RBFOX1: variants seen among roughly 807,000 people sequenced by gnomAD.
RBFOX1 encodes the protein RNA binding protein fox-1 homolog 1.
RBFOX1 carries 8 observed loss-of-function variants against 57.7 expected under a neutral mutation model. The observed-to-expected ratio is 0.14, with a 90% CI of 0.08 to 0.25. The LOEUF (loss-of-function observed/expected upper bound fraction) is 0.25. RBFOX1 is among the 10% of genes least tolerant of loss of function. RBFOX1 has a pLI of 1.00. For missense variants in RBFOX1, 611 were observed against 548.5 expected (o/e 1.11, Z -1.14); for synonymous variants, 326 against 222.4 (o/e 1.47, Z -4.15).
intron 1 of RBFOX1, among the ~76,000 whole-genome samples, chr16:5,351,278 G>C (rs767833545): frequency 6.6e-6 from 1 of 152,190 alleles, no homozygotes; most frequent in Non-Finnish European, 1.5e-5. Context: ...TCTGTTAAGC[G>C]CTATGCCAGG....
intron 2 of RBFOX1, among the ~76,000 whole-genome samples, chr16:6,506,161 C>G (rs1031333225): frequency 1.1e-4 from 16 of 152,072 alleles, no homozygotes; most frequent in Non-Finnish European, 1.6e-4. Flanking sequence ...AATTTAGAAG[C>G]GAAGAGTCTT....
chr16:6,193,606 A>G (rs1246263948), intron 1 of RBFOX1, among the ~76,000 whole-genome samples: 1 of 151,610 alleles, frequency 6.6e-6, no homozygotes, highest in Non-Finnish European at 1.5e-5. Context: ...AATAAACACA[A>G]TAAAACAGGC....
At chr16:6,092,349 G>C (rs2096187596) in intron 1 of RBFOX1, 3 of 152,184 alleles carry the variant, frequency 2.0e-5, no homozygotes, top group South Asian at 2.1e-4. Flanking sequence ...GGAACACAGG[G>C]AGTAAGGCTG....
chr16:7,262,994 T>A (rs948402926), intron 4 of RBFOX1, among the ~76,000 whole-genome samples: 3 of 152,086 alleles, frequency 2.0e-5, no homozygotes, highest in African/African-American at 7.2e-5. Context: ...TAGAGGGTGA[T>A]AGGAAAGGAG....
intron 4 of RBFOX1, among the ~76,000 whole-genome samples, chr16:7,359,793 G>C (rs539694781): frequency 6.6e-6 from 1 of 152,094 alleles, no homozygotes; most frequent in African/African-American, 2.4e-5. Flanking sequence ...GACCATCCTG[G>C]CTAACATGGT....
intron 3 of RBFOX1, among the ~76,000 whole-genome samples, chr16:7,013,967 T>C (rs1203796969): frequency 3.9e-5 from 6 of 152,150 alleles, no homozygotes; most frequent in Non-Finnish European, 5.9e-5. Flanking sequence ...TAAAATGCTA[T>C]ATACTCTATT....
intron 2 of RBFOX1, among the ~76,000 whole-genome samples, chr16:6,364,155 T>G (rs569949583): frequency 6.6e-6 from 1 of 152,236 alleles, no homozygotes; most frequent in East Asian, 1.9e-4. Context: ...GAAGTCCAAC[T>G]CTCCTTTGCA....
At chr16:5,614,447 A>T (rs538721427) in intron 3 of RBFOX1, among the ~76,000 whole-genome samples, 1 of 152,244 alleles carries the variant, frequency 6.6e-6, no homozygotes, top group South Asian at 2.1e-4. Context: ...AGTCGTTCCA[A>T]TGTGTTCTAA....
chr16:6,668,820 A>ATTT (rs1555674010), intron 3 of RBFOX1, among the ~76,000 whole-genome samples: 18 of 152,256 alleles, frequency 1.2e-4, no homozygotes, highest in Admixed American at 8.5e-4. Context: ...AAGCAAGTCT[A>ATTT]TTTTGTGTAA....
chr16:7,453,973 C>A (rs997745348), intron 4 of RBFOX1, among the ~76,000 whole-genome samples: 1 of 152,198 alleles, frequency 6.6e-6, no homozygotes, highest in African/African-American at 2.4e-5. Context: ...TGGCTCATGC[C>A]TGAAATCTCA....
chr16:6,485,495 C>A (rs564561983), intron 2 of RBFOX1, among the ~76,000 whole-genome samples: 1 of 152,182 alleles, frequency 6.6e-6, no homozygotes, highest in African/African-American at 2.4e-5. Context: ...CTTTGCTACA[C>A]TTTAACATAT....
intron 3 of RBFOX1, among the ~76,000 whole-genome samples, chr16:5,722,013 G>T (rs2051955289): frequency 2.0e-5 from 3 of 152,172 alleles, no homozygotes; most frequent in Admixed American, 1.3e-4. Flanking sequence ...TTGTTGCCTG[G>T]GTTGGGCTCT....
At chr16:6,564,457 C>G (rs11861753) in intron 2 of RBFOX1, among the ~76,000 whole-genome samples, 16,608 of 144,900 alleles carry the variant, frequency 0.11, 2,886 homozygotes, top group African/African-American at 0.37. Flanking sequence ...GAGACTCTGT[C>G]TCAAAAACAA....
At chr16:7,332,031 T>C (rs2096704780) in intron 4 of RBFOX1, among the ~76,000 whole-genome samples, 1 of 152,174 alleles carries the variant, frequency 6.6e-6, no homozygotes, top group African/African-American at 2.4e-5. Flanking sequence ...CATATTAATA[T>C]ATCACAGATG....
intron 13 of RBFOX1, among the ~76,000 whole-genome samples, chr16:7,673,963 A>G (rs1568396736): frequency 1.3e-5 from 2 of 152,176 alleles, no homozygotes; most frequent in Admixed American, 6.5e-5. Context: ...TACAGACATC[A>G]CTGTGGAACC....
chr16:5,674,289 G>C (rs2050102157), intron 3 of RBFOX1, among the ~76,000 whole-genome samples: 1 of 152,222 alleles, frequency 6.6e-6, no homozygotes, highest in Non-Finnish European at 1.5e-5. Context: ...AGCTGTTTCT[G>C]AGTAACAAAG....
chr16:6,416,491 G>A (rs764038894), intron 2 of RBFOX1, among the ~76,000 whole-genome samples: 12 of 150,998 alleles, frequency 7.9e-5, no homozygotes, highest in Admixed American at 5.3e-4. Flanking sequence ...TCTTTTTTTC[G>A]TTCCATTTTT....
chr16:7,152,314 C>T (rs934612064), intron 4 of RBFOX1, among the ~76,000 whole-genome samples: 1 of 152,078 alleles, frequency 6.6e-6, no homozygotes, highest in Non-Finnish European at 1.5e-5. Flanking sequence ...ATGTTGCTAC[C>T]AGAAAAACTA....
chr16:6,712,304 C>A (rs1156641421), intron 3 of RBFOX1, among the ~76,000 whole-genome samples: 2 of 152,152 alleles, frequency 1.3e-5, no homozygotes, highest in Admixed American at 1.3e-4. Context: ...CTTCTGTCAT[C>A]TGGGTCTGCC....
Sources: gnomAD v4.1 joint callset for allele counts (sites outside exome capture counted in the v4.1 genomes callset) on GRCh38, gnomAD v4.1.1 for gene constraint, MANE v1.5 for transcripts, NCBI Gene and HGNC (gene_info 2026-07-23, HGNC 2026-07-21) for gene names.